FOXP1: variants seen among roughly 807,000 people sequenced by gnomAD.
The protein encoded by FOXP1 is forkhead box P1, also known as forkhead box protein P1.
FOXP1 carries 15 observed loss-of-function variants against 98.2 expected under a neutral mutation model. The observed-to-expected ratio is 0.15, with a 90% CI of 0.10 to 0.24. FOXP1 has a LOEUF of 0.24. FOXP1 is among the 10% of genes least tolerant of loss of function. The probability of loss-of-function intolerance (pLI) is 1.00; values close to 1 mark genes in which losing one functional copy is unlikely to be tolerated. For synonymous variants in FOXP1, 371 were observed against 314.5 expected (o/e 1.18, Z -1.90); for missense variants, 633 against 848.5 (o/e 0.75, Z 3.15).
chr3:71,254,003 T>A (rs928202984), intron 5 of FOXP1, among the ~76,000 whole-genome samples: 1 of 152,170 alleles, frequency 6.6e-6, no homozygotes, highest in African/African-American at 2.4e-5. Context: ...GGAAAAGACA[T>A]TACTTTGCAA....
intron 3 of FOXP1, among the ~76,000 whole-genome samples, chr3:71,419,702 G>A (rs146668452): frequency 1.2e-4 from 18 of 152,178 alleles, no homozygotes; most frequent in South Asian, 8.3e-4. Flanking sequence ...CAAGTACCCC[G>A]GGTGGTAAGT....
chr3:71,521,541 A>C, intron 2 of FOXP1, among the ~76,000 whole-genome samples: 1 of 95,586 alleles, frequency 1.0e-5, no homozygotes, highest in Admixed American at 1.2e-4. Flanking sequence ...AAAAAAGGGC[A>C]GGGGGAGGGG....
intron 6 of FOXP1, among the ~76,000 whole-genome samples, chr3:71,185,534 T>A (rs1438819200): frequency 6.6e-6 from 1 of 152,206 alleles, no homozygotes; most frequent in Non-Finnish European, 1.5e-5. Flanking sequence ...ATTATCACAC[T>A]TGTCAGCCCA....
At chr3:71,024,716 T>C (rs1266165123) in intron 11 of FOXP1, among the ~76,000 whole-genome samples, 1 of 152,252 alleles carries the variant, frequency 6.6e-6, no homozygotes, top group African/African-American at 2.4e-5. Flanking sequence ...TGAATTAGTC[T>C]ATTAAGTGCC....
chr3:71,170,278 A>G (rs2061586668), intron 6 of FOXP1, among the ~76,000 whole-genome samples: 1 of 152,122 alleles, frequency 6.6e-6, no homozygotes, highest in African/African-American at 2.4e-5. Flanking sequence ...TATCACAACA[A>G]TGACGCTCCC....
At chr3:71,017,323 C>A (rs2044648701) in intron 11 of FOXP1, among the ~76,000 whole-genome samples, 1 of 151,876 alleles carries the variant, frequency 6.6e-6, no homozygotes, top group Non-Finnish European at 1.5e-5. Flanking sequence ...TAGTAGAATT[C>A]TCAGATATTC....
At chr3:71,036,766 C>G (rs1197978735) in intron 11 of FOXP1, among the ~76,000 whole-genome samples, 1 of 152,148 alleles carries the variant, frequency 6.6e-6, no homozygotes, top group South Asian at 2.1e-4. Context: ...TATCCCGCTT[C>G]ATGAAAGGCC....
intron 13 of FOXP1, among the ~76,000 whole-genome samples, chr3:70,998,133 T>C (rs968838407): frequency 1.3e-5 from 2 of 152,212 alleles, no homozygotes; most frequent in South Asian, 2.1e-4. Context: ...TTTCTGATCC[T>C]CTTGACCAGG....
intron 3 of FOXP1, among the ~76,000 whole-genome samples, chr3:71,451,115 G>A (rs2086910196): frequency 6.6e-6 from 1 of 152,134 alleles, no homozygotes. Context: ...TGCTTATATT[G>A]TTTTATTACA....
chr3:70,972,686 G>A lies in FOXP1; in HGVS notation c.1531-10C>T, dbSNP rs781739476. 2 of 1,613,706 alleles carry A rather than the reference G, an allele frequency of 1.2e-6. No individual in the cohort carries two copies. The highest frequency in any genetic ancestry group is 2.2e-5 in the South Asian group (2 of 91,074). The stretch of plus-strand genomic sequence containing the variant: ...TATGACGCACTGCATTCTGCAGCAA[G>A]TATAAAAGAGAGAACATTTACATTT... On this transcript the variant is annotated splice_polypyrimidine_tract_variant and intron_variant, in intron 17 of 20. Coordinates refer to ENST00000649528, the MANE Select transcript of FOXP1 (RefSeq NM_001349338.3).
chr3:71,205,662 C>T (rs1316607132), intron 5 of FOXP1, among the ~76,000 whole-genome samples: 1 of 152,160 alleles, frequency 6.6e-6, no homozygotes, highest in Non-Finnish European at 1.5e-5. Flanking sequence ...AACAAACCAG[C>T]TGTAGGGGCA....
chr3:71,040,005 T>C (rs551675733), intron 11 of FOXP1, among the ~76,000 whole-genome samples: 2 of 152,142 alleles, frequency 1.3e-5, no homozygotes, highest in African/African-American at 2.4e-5. Flanking sequence ...CTTGGAAGGA[T>C]AGTTGAAAAT....
chr3:71,315,030 G>A (rs2074974538), intron 4 of FOXP1, among the ~76,000 whole-genome samples: 1 of 142,486 alleles, frequency 7.0e-6, no homozygotes. Flanking sequence ...ATAAGGCTGG[G>A]ATAAGGCTGG....
intron 17 of FOXP1, among the ~76,000 whole-genome samples, chr3:70,974,613 G>A (rs2037104587): frequency 1.3e-5 from 2 of 152,254 alleles, no homozygotes; most frequent in South Asian, 4.1e-4. Flanking sequence ...AAAATATATT[G>A]CCCAAAGGCA....
At position 71,407,661 on chromosome 3, in the gene FOXP1, C is replaced by CGTGTGTGT. The variant is rs112188528; in HGVS notation, c.-167-48425_-167-48418dup. Among the ~76,000 whole-genome samples, 507 of 150,014 alleles carry CGTGTGTGT rather than the reference C, an allele frequency of 3.4e-3. 4 individuals carry two copies. Among genetic ancestry groups the CGTGTGTGT allele is most frequent in the African/African-American group, 0.012 (491 of 40,928 alleles). On this transcript the variant is annotated intron_variant, in intron 3 of 20. Coordinates refer to ENST00000649528, the MANE Select transcript of FOXP1 (RefSeq NM_001349338.3). The stretch of plus-strand genomic sequence containing the variant: ...GGTTGTGAGATACAGAAGAACTGTG[C>CGTGTGTGT]GTGTGTGTGTGTGTGTGTATACATC...
intron 7 of FOXP1, among the ~76,000 whole-genome samples, chr3:71,100,309 C>G (rs529491862): frequency 1.4e-4 from 21 of 152,356 alleles, no homozygotes; most frequent in African/African-American, 4.6e-4. Context: ...GACTCTTATT[C>G]TGTTTCTAGA....
chr3:71,535,515 A>G (rs1342155255), intron 2 of FOXP1, among the ~76,000 whole-genome samples: 1 of 152,110 alleles, frequency 6.6e-6, no homozygotes, highest in Non-Finnish European at 1.5e-5. Flanking sequence ...GACCAGCCTG[A>G]GCAATATGAC....
chr3:71,576,308 C>G (rs1363038059), intron 2 of FOXP1, among the ~76,000 whole-genome samples: 1 of 152,038 alleles, frequency 6.6e-6, no homozygotes, highest in Non-Finnish European at 1.5e-5. Flanking sequence ...TGGAACACAA[C>G]TGTGTATGTA....
At chr3:71,197,358 C>T (rs780949156) in intron 6 of FOXP1, among the ~76,000 whole-genome samples, 6 of 151,988 alleles carry the variant, frequency 3.9e-5, no homozygotes, top group East Asian at 1.9e-4. Flanking sequence ...TCAGGAAAGG[C>T]GGGAAAACCA....
Sources: gnomAD v4.1 joint callset for allele counts (sites outside exome capture counted in the v4.1 genomes callset) on GRCh38, gnomAD v4.1.1 for gene constraint, MANE v1.5 for transcripts, NCBI Gene and HGNC (gene_info 2026-07-23, HGNC 2026-07-21) for gene names.